OPHN1: variants seen among roughly 807,000 people sequenced by gnomAD.
OPHN1 encodes the protein oligophrenin-1.
A neutral mutation model predicts 60.7 loss-of-function variants in OPHN1; 11 were observed. The ratio of observed to expected loss-of-function variants is 0.18; its 90% CI spans 0.11 to 0.30. The LOEUF (loss-of-function observed/expected upper bound fraction) is 0.30, where lower values mean the gene tolerates loss of function less well. Ranked by LOEUF, OPHN1 falls within the 10% of genes least tolerant of loss-of-function variation. The probability of loss-of-function intolerance (pLI) is 1.00; values close to 1 mark genes in which losing one functional copy is unlikely to be tolerated. For synonymous variants in OPHN1, 226 were observed against 222.6 expected, an observed-to-expected ratio of 1.02 and a Z score of -0.14; for missense variants, 449 against 611.0, an observed-to-expected ratio of 0.73 and a Z score of 2.80.
chrX:68,225,973 A>G lies in OPHN1; in HGVS notation c.486+8514T>C, dbSNP rs1194240332. ...CTCAAACCCAACGCAAAGAAGCTAAAAACCTTGAAAAAAGATAAGACGAAT... is the reference window on the plus strand; with the variant it reads ...CTCAAACCCAACGCAAAGAAGCTAAGAACCTTGAAAAAAGATAAGACGAAT... On this transcript the variant is annotated intron_variant, in intron 6 of 24. Coordinates refer to ENST00000355520, the MANE Select transcript of OPHN1 (RefSeq NM_002547.3). Among the ~76,000 whole-genome samples the G allele has an allele frequency of 3.6e-5, 4 of 111,745 alleles. No homozygotes were observed. The Admixed American group carries it at 3.8e-4, about 11-fold the overall frequency.
chrX:68,234,724 G>A (rs764179663), intron 5 of OPHN1, 136 bp from the exon 6 acceptor site: 13 of 508,228 alleles, frequency 2.6e-5, no homozygotes, highest in South Asian at 1.1e-4. Context: ...AAAAAGCAAC[G>A]GAGAATTAAC....
At chrX:68,413,335 G>T (rs889360751) in intron 2 of OPHN1, among the ~76,000 whole-genome samples, 1 of 111,298 alleles carries the variant, frequency 9.0e-6, no homozygotes, top group African/African-American at 3.3e-5. Context: ...TCGTCTATCA[G>T]AATAACCAAC....
intron 15 of OPHN1, among the ~76,000 whole-genome samples, chrX:68,171,010 T>C (rs2077388437): frequency 1.8e-5 from 2 of 111,297 alleles, no homozygotes; most frequent in African/African-American, 6.5e-5. Flanking sequence ...AGATGGTTAA[T>C]AGGTACAAAA....
intron 15 of OPHN1, among the ~76,000 whole-genome samples, chrX:68,122,382 C>T (rs1195300941): frequency 9.0e-6 from 1 of 111,035 alleles, no homozygotes; most frequent in East Asian, 2.9e-4. Context: ...AGGACAAGTA[C>T]AAACAAGCCC....
At chrX:68,390,376 A>G (rs1443647274) in intron 2 of OPHN1, among the ~76,000 whole-genome samples, 2 of 111,600 alleles carry the variant, frequency 1.8e-5, no homozygotes, top group Non-Finnish European at 3.8e-5. Context: ...AGGTGGGCAG[A>G]TTGCTTGAGC....
chrX:68,367,124 C>A (rs1254722724), intron 2 of OPHN1, among the ~76,000 whole-genome samples: 1 of 110,538 alleles, frequency 9.0e-6, no homozygotes, highest in Non-Finnish European at 1.9e-5. Flanking sequence ...CTTTGGGAGG[C>A]TGAAGCAGGC....
rs1602370442 is a variant in OPHN1 at position 68,380,737 on chromosome X, G to A, written c.154+52130C>T. On this transcript the variant is annotated intron_variant, in intron 2 of 24. Coordinates refer to ENST00000355520, the MANE Select transcript of OPHN1 (RefSeq NM_002547.3). ...TGTTCAGTTTCCATGTAGTAGAGTG[G>A]TTTTGAGTGAGTTTCTTAATCCTGA... Among the ~76,000 whole-genome samples, 6 of 111,543 alleles carry A rather than the reference G, an allele frequency of 5.4e-5. 1 individual carries two copies. In the Admixed American group the frequency reaches 5.8e-4, roughly 11 times the overall value.
At chrX:68,074,571 T>A (rs955582352) in intron 19 of OPHN1, among the ~76,000 whole-genome samples, 3 of 111,603 alleles carry the variant, frequency 2.7e-5, no homozygotes, top group Non-Finnish European at 5.6e-5. Flanking sequence ...CCTTCAGATA[T>A]CCATTCTTCT....
Position 68,241,249 on chromosome X carries a change from C to T in OPHN1, c.385-6661G>A, listed in dbSNP as rs983111301. On this transcript the variant is annotated intron_variant, in intron 5 of 24. Transcript: ENST00000355520. ...TGTATTGTTAAGATTTTGATATTGT[C>T]ACTTATTTTTCCTGGGCAATTATTA... Among the ~76,000 whole-genome samples, 24 of 111,703 alleles carry T rather than the reference C, an allele frequency of 2.1e-4. No individual in the cohort carries two copies. In the South Asian group the frequency reaches 8.5e-3, roughly 40 times the overall value.
chrX:68,084,860 C>T (rs1052825819), intron 19 of OPHN1, among the ~76,000 whole-genome samples: 2 of 112,038 alleles, frequency 1.8e-5, no homozygotes, highest in African/African-American at 6.5e-5. Context: ...CTTAAAACCA[C>T]ACTCTCTTTA....
intron 15 of OPHN1, among the ~76,000 whole-genome samples, chrX:68,190,415 G>A (rs373957861): frequency 5.0e-4 from 56 of 112,131 alleles, no homozygotes; most frequent in African/African-American, 1.4e-3. Flanking sequence ...GGCAGGGATC[G>A]GGGTTGCCAC....
At chrX:68,149,659 G>T (rs1226247834) in intron 15 of OPHN1, among the ~76,000 whole-genome samples, 1 of 111,162 alleles carries the variant, frequency 9.0e-6, no homozygotes, top group African/African-American at 3.3e-5. Context: ...TGCTGGTGAG[G>T]ATATGGAAAA....
chrX:68,223,599 C>G (rs1384868053), intron 6 of OPHN1, among the ~76,000 whole-genome samples: 1 of 111,026 alleles, frequency 9.0e-6, no homozygotes, highest in Non-Finnish European at 1.9e-5. Context: ...GTATAATGTA[C>G]ACTATTCGGG....
At chrX:68,184,843 G>A (rs991640675) in intron 15 of OPHN1, among the ~76,000 whole-genome samples, 1 of 111,671 alleles carries the variant, frequency 9.0e-6, no homozygotes, top group African/African-American at 3.3e-5. Context: ...TGATCTGCCC[G>A]TCTCGGTCTC....
chrX:68,380,987 C>T (rs1015949581), intron 2 of OPHN1, among the ~76,000 whole-genome samples: 2 of 111,116 alleles, frequency 1.8e-5, no homozygotes, highest in Non-Finnish European at 3.8e-5. Flanking sequence ...GTGTATGTAT[C>T]CAAATCCAGT....
intron 15 of OPHN1, among the ~76,000 whole-genome samples, chrX:68,176,178 C>T (rs957812937): frequency 9.0e-6 from 1 of 111,100 alleles, no homozygotes; most frequent in East Asian, 2.8e-4. Flanking sequence ...TTGAATATGC[C>T]ACGAAATGCA....
intron 5 of OPHN1, among the ~76,000 whole-genome samples, chrX:68,241,466 A>C (rs1308500233): frequency 8.9e-6 from 1 of 112,139 alleles, no homozygotes; most frequent in Non-Finnish European, 1.9e-5. Context: ...TTGTAAGAGA[A>C]CATTTATTGA....
rs2078026181 is a variant in OPHN1 at position 68,283,097 on chromosome X, C to T, written c.271G>A (p.Ala91Thr). 1 of 1,205,918 alleles carries T rather than the reference C, an allele frequency of 8.3e-7. No homozygotes were observed. Among genetic ancestry groups the T allele is most frequent in the African/African-American group, 1.7e-5 (1 of 57,681 alleles). The part of the protein sequence containing the change: ...INIAESFKEF[A>T]ELLNEVENER... ...TTTTCTACCTCGTTGAGCAATTCAG[C>T]AAATTCCTTGAAGGATTCAGCTGGA... Residue 91 changes from alanine (A) to threonine (T), a missense_variant, in exon 4 of 25, where the codon GCT becomes ACT. Coordinates refer to ENST00000355520, the MANE Select transcript of OPHN1 (RefSeq NM_002547.3).
intron 2 of OPHN1, among the ~76,000 whole-genome samples, chrX:68,363,232 G>GC (rs1167534881): frequency 9.1e-6 from 1 of 110,376 alleles, no homozygotes; most frequent in Non-Finnish European, 1.9e-5. Context: ...GGGCAATAGA[G>GC]CAAGACTCCA....
Sources: allele counts gnomAD v4.1 joint callset (sites outside exome capture counted in the v4.1 genomes callset), GRCh38; gene constraint gnomAD v4.1.1; transcripts MANE v1.5; gene names NCBI Gene and HGNC (gene_info 2026-07-23, HGNC 2026-07-21).